MIR2052HG: variants seen among roughly 807,000 people sequenced by gnomAD.
The protein encoded by MIR2052HG is MIR2052 host gene.
chr8:74,663,805 G>A (rs1410151868), intron 2 of MIR2052HG, among the ~76,000 whole-genome samples: 1 of 152,192 alleles, frequency 6.6e-6, no homozygotes, highest in African/African-American at 2.4e-5. Context: ...TGGAAACTGA[G>A]TGTTCACTAG....
At chr8:74,661,213 T>TC (rs1490830733) in intron 2 of MIR2052HG, among the ~76,000 whole-genome samples, 47 of 150,976 alleles carry the variant, frequency 3.1e-4, no homozygotes, top group African/African-American at 1.1e-3. Flanking sequence ...TTTTTTTTTT[T>TC]TTTTTCGAGA....
chr8:74,606,035 TG>T (rs1040903825), intron 1 of MIR2052HG, among the ~76,000 whole-genome samples: 2 of 151,188 alleles, frequency 1.3e-5, no homozygotes, highest in African/African-American at 4.9e-5. Flanking sequence ...AAAGGGGAGG[TG>T]GGGGGTCTAG....
At chr8:74,652,267 G>T (rs188211607) in intron 2 of MIR2052HG, among the ~76,000 whole-genome samples, 28 of 152,276 alleles carry the variant, frequency 1.8e-4, no homozygotes, top group Admixed American at 1.6e-3. Context: ...GTTTGAATGT[G>T]GCCATATGAC....
At chr8:74,738,109 G>A (rs1760302327) in intron 4 of MIR2052HG, among the ~76,000 whole-genome samples, 1 of 120,048 alleles carries the variant, frequency 8.3e-6, no homozygotes, top group African/African-American at 3.1e-5. Context: ...TATCTGTTAT[G>A]TATGTATGTA....
intron 2 of MIR2052HG, among the ~76,000 whole-genome samples, chr8:74,700,945 A>G (rs1051649865): frequency 8.5e-5 from 13 of 152,160 alleles, no homozygotes; most frequent in African/African-American, 3.1e-4. Context: ...TGGAGCTAAT[A>G]GTCTATACTA....
At chr8:74,672,044 A>T (rs1383183721) in intron 2 of MIR2052HG, among the ~76,000 whole-genome samples, 1 of 152,174 alleles carries the variant, frequency 6.6e-6, no homozygotes, top group Non-Finnish European at 1.5e-5. Context: ...TTTTCTCTAT[A>T]ATCCCTGCTA....
chr8:74,655,700 A>G (rs1351976581), intron 2 of MIR2052HG, among the ~76,000 whole-genome samples: 2 of 152,234 alleles, frequency 1.3e-5, no homozygotes, highest in Admixed American at 6.5e-5. Flanking sequence ...AGGGCAGTGC[A>G]GAAGGAAAAT....
intron 3 of MIR2052HG, chr8:74,702,465 GTTC>G (rs1563535400): frequency 2.2e-6 from 1 of 451,624 alleles, no homozygotes; most frequent in Non-Finnish European, 4.5e-6. Flanking sequence ...AGGTAAGTCA[GTTC>G]TTCTGAAGAC....
chr8:74,668,096 T>C (rs1028055376), intron 2 of MIR2052HG, among the ~76,000 whole-genome samples: 6 of 151,648 alleles, frequency 4.0e-5, no homozygotes, highest in African/African-American at 1.5e-4. Context: ...GGGCTATAGC[T>C]TCTTTCCTAC....
At chr8:74,701,100 T>C (rs1261821486) in intron 2 of MIR2052HG, among the ~76,000 whole-genome samples, 2 of 152,110 alleles carry the variant, frequency 1.3e-5, no homozygotes, top group Non-Finnish European at 2.9e-5. Context: ...CACAGTTGCT[T>C]AGAGAATAAA....
At chr8:74,726,651 G>A (rs1312023992) in intron 4 of MIR2052HG, among the ~76,000 whole-genome samples, 3 of 152,208 alleles carry the variant, frequency 2.0e-5, no homozygotes, top group African/African-American at 7.2e-5. Flanking sequence ...CTTGTACTAG[G>A]ATGGTTTAGA....
At chr8:74,693,979 T>C (rs536049030) in intron 2 of MIR2052HG, among the ~76,000 whole-genome samples, 167 of 152,254 alleles carry the variant, frequency 1.1e-3, no homozygotes, top group African/African-American at 3.9e-3. Flanking sequence ...CCTAGGGCAA[T>C]CTTGTGTCCT....
intron 2 of MIR2052HG, among the ~76,000 whole-genome samples, chr8:74,645,021 A>G (rs1808677181): frequency 6.6e-6 from 1 of 152,198 alleles, no homozygotes; most frequent in Non-Finnish European, 1.5e-5. Context: ...ACAAGTTGGA[A>G]TTGATTCTCC....
intron 4 of MIR2052HG, among the ~76,000 whole-genome samples, chr8:74,706,620 C>T (rs1809413731): frequency 6.6e-6 from 1 of 152,034 alleles, no homozygotes; most frequent in Non-Finnish European, 1.5e-5. Context: ...GTTTCATTTG[C>T]TGGCAACGAG....
intron 2 of MIR2052HG, among the ~76,000 whole-genome samples, chr8:74,694,035 A>G (rs554758724): frequency 6.6e-6 from 1 of 152,252 alleles, no homozygotes; most frequent in Admixed American, 6.5e-5. Flanking sequence ...GCCACCTCCT[A>G]GCTGGAGGCC....
intron 4 of MIR2052HG, among the ~76,000 whole-genome samples, chr8:74,725,240 A>G (rs1298621699): frequency 6.6e-6 from 1 of 152,204 alleles, no homozygotes; most frequent in Non-Finnish European, 1.5e-5. Context: ...CATTCATTAC[A>G]TGCCCATGGG....
At chr8:74,703,597 GT>G in intron 3 of MIR2052HG, 1 of 449,810 alleles carries the variant, frequency 2.2e-6, no homozygotes, top group South Asian at 1.6e-5. Flanking sequence ...TTCTGCTATT[GT>G]TTTTCAGGTT....
intron 2 of MIR2052HG, among the ~76,000 whole-genome samples, chr8:74,688,134 T>G (rs1809202679): frequency 1.3e-5 from 2 of 152,210 alleles, no homozygotes. Context: ...CTTCTTTGCC[T>G]TATGTTTATG....
intron 4 of MIR2052HG, among the ~76,000 whole-genome samples, chr8:74,709,857 C>T (rs1333909890): frequency 1.3e-5 from 2 of 152,038 alleles, no homozygotes; most frequent in Admixed American, 6.6e-5. Context: ...TATTTCAGAA[C>T]TTGTATTTTT....
Sources: allele counts gnomAD v4.1 joint callset (sites outside exome capture counted in the v4.1 genomes callset), GRCh38; gene constraint gnomAD v4.1.1; transcripts MANE v1.5; gene names NCBI Gene and HGNC (gene_info 2026-07-23, HGNC 2026-07-21).